Variants in KCNIP4 observed in about 807,000 individuals in gnomAD.
The protein encoded by KCNIP4 is Kv channel-interacting protein 4.
KCNIP4 carries 12 observed loss-of-function variants against 34.0 expected under a neutral mutation model. That is an observed-to-expected ratio of 0.35 (90% CI 0.23 to 0.57). KCNIP4 has a LOEUF of 0.57. Among genes scored for constraint, KCNIP4 ranks in the 20% least tolerant of loss-of-function variants. KCNIP4 has a pLI of 0.83. For synonymous variants in KCNIP4, 124 were observed against 102.2 expected (o/e 1.21, Z -1.29); for missense variants, 238 against 311.7 (o/e 0.76, Z 1.78).
chr4:21,911,905 A>T (rs1006493924), intron 1 of KCNIP4, among the ~76,000 whole-genome samples: 5 of 152,096 alleles, frequency 3.3e-5, no homozygotes, highest in Non-Finnish European at 4.4e-5. Flanking sequence ...TTCCCTTTAC[A>T]TCTGAAGATA....
chr4:21,244,486 AG>A (rs1760064318), intron 1 of KCNIP4, among the ~76,000 whole-genome samples: 1 of 152,230 alleles, frequency 6.6e-6, no homozygotes, highest in Non-Finnish European at 1.5e-5. Context: ...TTACAACAGT[AG>A]GAAGACATAA....
intron 1 of KCNIP4, among the ~76,000 whole-genome samples, chr4:20,916,819 T>C (rs955312771): frequency 6.6e-6 from 1 of 151,552 alleles, no homozygotes; most frequent in African/African-American, 2.4e-5. Context: ...TCTAATAACC[T>C]GTGATATGAT....
At chr4:21,941,815 T>C (rs1364882536) in intron 1 of KCNIP4, among the ~76,000 whole-genome samples, 1 of 152,202 alleles carries the variant, frequency 6.6e-6, no homozygotes, top group Admixed American at 6.5e-5. Context: ...AACATGAGCA[T>C]GAAGGCCAAA....
intron 1 of KCNIP4, among the ~76,000 whole-genome samples, chr4:21,633,632 C>T (rs749376729): frequency 1.3e-5 from 2 of 152,068 alleles, no homozygotes; most frequent in Non-Finnish European, 2.9e-5. Context: ...TTATTGAATG[C>T]AGTAGACCAG....
intron 1 of KCNIP4, among the ~76,000 whole-genome samples, chr4:21,239,821 C>T (rs1262704162): frequency 2.0e-5 from 3 of 152,118 alleles, no homozygotes; most frequent in Non-Finnish European, 2.9e-5. Context: ...TGTGGTGATT[C>T]CTCAGGGATC....
intron 1 of KCNIP4, among the ~76,000 whole-genome samples, chr4:21,179,594 T>C (rs1754694094): frequency 6.6e-6 from 1 of 152,188 alleles, no homozygotes; most frequent in Admixed American, 6.6e-5. Flanking sequence ...GTCAAGCTGG[T>C]ATTAAGAATC....
chr4:21,017,027 G>C (rs1739604648), intron 1 of KCNIP4, among the ~76,000 whole-genome samples: 1 of 151,938 alleles, frequency 6.6e-6, no homozygotes, highest in African/African-American at 2.4e-5. Flanking sequence ...CTCATAGAAG[G>C]GTTAGATCTG....
intron 1 of KCNIP4, among the ~76,000 whole-genome samples, chr4:21,948,051 A>G (rs1254000390): frequency 2.0e-5 from 3 of 152,244 alleles, no homozygotes. Context: ...GAAGCTAGCC[A>G]TAAAACAAGC....
At chr4:21,922,730 G>A (rs1393946073) in intron 1 of KCNIP4, among the ~76,000 whole-genome samples, 1 of 152,158 alleles carries the variant, frequency 6.6e-6, no homozygotes, top group Non-Finnish European at 1.5e-5. Context: ...GGGGCCAGAA[G>A]TGGAGTGAAA....
At chr4:21,140,404 A>T (rs950439627) in intron 1 of KCNIP4, among the ~76,000 whole-genome samples, 1 of 152,180 alleles carries the variant, frequency 6.6e-6, no homozygotes, top group Non-Finnish European at 1.5e-5. Flanking sequence ...ATCAAAGCCC[A>T]TCAAAGCCCA....
chr4:21,406,430 A>G (rs1031185779), intron 1 of KCNIP4, among the ~76,000 whole-genome samples: 1 of 152,228 alleles, frequency 6.6e-6, no homozygotes, highest in African/African-American at 2.4e-5. Flanking sequence ...CAGCACTAGT[A>G]ACCACTGTGT....
chr4:21,731,286 A>G (rs1162811697), intron 1 of KCNIP4, among the ~76,000 whole-genome samples: 1 of 152,180 alleles, frequency 6.6e-6, no homozygotes, highest in Non-Finnish European at 1.5e-5. Flanking sequence ...AAGAGAAGGT[A>G]CATACACACA....
At chr4:21,391,440 A>C (rs1331963717) in intron 1 of KCNIP4, among the ~76,000 whole-genome samples, 1 of 152,146 alleles carries the variant, frequency 6.6e-6, no homozygotes, top group African/African-American at 2.4e-5. Context: ...CCACCTGAGC[A>C]CACTGAAGTA....
chr4:21,323,963 T>C (rs368094961), intron 1 of KCNIP4, among the ~76,000 whole-genome samples: 1 of 152,054 alleles, frequency 6.6e-6, no homozygotes, highest in African/African-American at 2.4e-5. Context: ...AGAAAATATC[T>C]CATTGTAGTT....
chr4:21,864,186 C>T (rs1026266499), intron 1 of KCNIP4, among the ~76,000 whole-genome samples: 12 of 152,186 alleles, frequency 7.9e-5, no homozygotes, highest in Admixed American at 2.0e-4. Context: ...GATGGCTAAA[C>T]TGCTTAAATT....
chr4:21,210,604 A>G (rs1390023942), intron 1 of KCNIP4, among the ~76,000 whole-genome samples: 1 of 152,218 alleles, frequency 6.6e-6, no homozygotes, highest in East Asian at 1.9e-4. Flanking sequence ...AACAAAAAAA[A>G]TCAATTTGAT....
intron 1 of KCNIP4, among the ~76,000 whole-genome samples, chr4:20,906,964 G>A (rs1254428149): frequency 1.3e-5 from 2 of 152,184 alleles, no homozygotes; most frequent in Non-Finnish European, 2.9e-5. Flanking sequence ...GAAACTCCAT[G>A]AGAACACATT....
intron 1 of KCNIP4, among the ~76,000 whole-genome samples, chr4:21,620,468 G>A (rs1744926471): frequency 6.6e-6 from 1 of 151,834 alleles, no homozygotes; most frequent in Admixed American, 6.6e-5. Flanking sequence ...CTCCTGTCTG[G>A]GTAATAGAGC....
At chr4:20,904,189 T>G (rs953976474) in intron 1 of KCNIP4, among the ~76,000 whole-genome samples, 5 of 152,126 alleles carry the variant, frequency 3.3e-5, no homozygotes, top group African/African-American at 1.2e-4. Flanking sequence ...AGAATAACTC[T>G]CTGCTCTTAT....
Sources: gnomAD v4.1 joint callset for allele counts (sites outside exome capture counted in the v4.1 genomes callset) on GRCh38, gnomAD v4.1.1 for gene constraint, MANE v1.5 for transcripts, NCBI Gene and HGNC (gene_info 2026-07-23, HGNC 2026-07-21) for gene names.